RBM34: variants seen among roughly 807,000 people sequenced by gnomAD.
RBM34 encodes RNA-binding protein 34.
A neutral mutation model predicts 44.6 loss-of-function variants in RBM34; 39 were observed. That is an observed-to-expected ratio of 0.87 (90% CI 0.68 to 1.14). The LOEUF (loss-of-function observed/expected upper bound fraction) is 1.14. Among genes scored for constraint, RBM34 ranks in the 50% most tolerant of loss-of-function variants. The pLI is 0.00. For missense variants in RBM34, 572 were observed against 517.9 expected, an observed-to-expected ratio of 1.10 and a Z score of -1.01; for synonymous variants, 194 against 184.0, an observed-to-expected ratio of 1.05 and a Z score of -0.44.
chr1:235,152,814 A>G (rs147452070), intron 4 of RBM34, 49 bp from the exon 5 acceptor site: 612 of 1,445,238 alleles, frequency 4.2e-4, no homozygotes, highest in Non-Finnish European at 5.2e-4. Context: ...AGAACATCAA[A>G]TAAGTGCTAC....
chr1:235,160,328 T>C (rs1486705048), intron 3 of RBM34, 183 bp downstream of exon 3: 1 of 768,750 alleles, frequency 1.3e-6, no homozygotes, highest in Admixed American at 2.0e-5. Flanking sequence ...ATATTAGTAA[T>C]TGCTGATGCT....
chr1:235,157,858 C>G (rs1662516058), intron 3 of RBM34, among the ~76,000 whole-genome samples: 1 of 152,172 alleles, frequency 6.6e-6, no homozygotes, highest in African/African-American at 2.4e-5. Flanking sequence ...AGGGTGGCCT[C>G]AGTGGGCACT....
At chr1:235,150,367 G>A (rs1427586459) in intron 5 of RBM34, among the ~76,000 whole-genome samples, 2 of 152,156 alleles carry the variant, frequency 1.3e-5, no homozygotes, top group African/African-American at 2.4e-5. Flanking sequence ...ACTGCACCCG[G>A]CCTACATCCT....
chr1:235,140,894 G>C (rs1256857150), intron 6 of RBM34, among the ~76,000 whole-genome samples: 1 of 152,160 alleles, frequency 6.6e-6, no homozygotes, highest in Non-Finnish European at 1.5e-5. Context: ...GTGGGACCTT[G>C]GAGAACTTTT....
intron 6 of RBM34, among the ~76,000 whole-genome samples, chr1:235,144,815 G>A (rs1304159246): frequency 2.0e-5 from 3 of 152,112 alleles, no homozygotes; most frequent in African/African-American, 7.2e-5. Context: ...GGCCGAGGGT[G>A]GGGCAGATCA....
Position 235,154,997 on chromosome 1 carries a change from T to C in RBM34, c.481A>G (p.Thr161Ala), listed in dbSNP as rs1662334409. 6.2e-7 allele frequency: 1 copy of C among 1,614,100 alleles called. No individual in the cohort carries two copies. Among genetic ancestry groups the C allele is most frequent in the East Asian group, 2.2e-5 (1 of 44,870 alleles). Residue 161 changes from threonine (T) to alanine (A), a missense_variant, in exon 4 of 11, where the codon ACA (threonine) becomes GCA (alanine). Coordinates refer to ENST00000408888, the MANE Select transcript of RBM34 (RefSeq NM_015014.4). ...KVADRKILDDTEDTVVSQRKK... is the reference protein window; with the variant it reads ...KVADRKILDDAEDTVVSQRKK... ...CTTTGACTGACAACTGTGTCTTCTGTGTCATCAAGTATTTTTCTATCTGCT... is the reference window on the plus strand; with the variant it reads ...CTTTGACTGACAACTGTGTCTTCTGCGTCATCAAGTATTTTTCTATCTGCT...
rs552159195 is a variant in RBM34 at position 235,141,585 on chromosome 1, T to C, written c.702-3411A>G. Among the ~76,000 whole-genome samples the C allele has an allele frequency of 9.9e-5, 15 of 152,284 alleles. 1 individual carries two copies. In the South Asian group the frequency reaches 2.5e-3, roughly 25 times the overall value. On this transcript the variant is annotated intron_variant, in intron 6 of 10. Transcript: ENST00000408888. ...CAGTGGCAAGCCACTCGGGTCCCCT[T>C]CCACACTGTGGAAGCTTTGTCCTTT...
intron 5 of RBM34, among the ~76,000 whole-genome samples, chr1:235,149,837 T>G (rs1662082221): frequency 6.6e-6 from 1 of 152,190 alleles, no homozygotes; most frequent in African/African-American, 2.4e-5. Flanking sequence ...GAAAACCTAT[T>G]TTCTTTCTCA....
intron 6 of RBM34, among the ~76,000 whole-genome samples, chr1:235,146,827 G>A (rs751779166): frequency 1.3e-5 from 2 of 152,078 alleles, no homozygotes; most frequent in Non-Finnish European, 2.9e-5. Flanking sequence ...TGCCATGTTG[G>A]CCAGGCTGGT....
intron 4 of RBM34, among the ~76,000 whole-genome samples, chr1:235,154,270 A>G (rs1359775549): frequency 6.6e-6 from 1 of 150,448 alleles, no homozygotes; most frequent in Admixed American, 6.6e-5. Flanking sequence ...AGAGAGAGAG[A>G]CAGAATGATG....
chr1:235,132,596 C>T (rs1045210808), intron 10 of RBM34, among the ~76,000 whole-genome samples: 1 of 152,096 alleles, frequency 6.6e-6, no homozygotes, highest in Non-Finnish European at 1.5e-5. Flanking sequence ...CATGAGCCAC[C>T]GCGCCTGGCC....
At chr1:235,135,853 A>C in intron 9 of RBM34, 83 bp from the exon 10 acceptor site, 1 of 1,322,624 alleles carries the variant, frequency 7.6e-7, no homozygotes, top group Non-Finnish European at 1.1e-6. Flanking sequence ...ACAGCTAGTT[A>C]AGCATGGTCC....
At position 235,160,012 on chromosome 1, in the gene RBM34, C is replaced by T. The variant is rs1244163755; in HGVS notation, c.365+499G>A. On this transcript the variant is annotated intron_variant, in intron 3 of 10. Coordinates refer to ENST00000408888, the MANE Select transcript of RBM34 (RefSeq NM_015014.4). ...CTCACACCTGTAATCTCAACACTTT[C>T]GGAGGCCGAGGTGGGCAGATCGCTT... The T allele has an allele frequency of 3.0e-5, 6 of 200,464 alleles. No individual in the cohort carries two copies. The East Asian group carries it at 4.7e-4, about 16-fold the overall frequency. The allele number at this position is 200,464 out of a possible 1,614,324, so 12.4% of individuals were successfully genotyped here.
At chr1:235,135,944 CTT>C in intron 9 of RBM34, 88 bp downstream of exon 9, 1 of 1,309,804 alleles carries the variant, frequency 7.6e-7, no homozygotes, top group Non-Finnish European at 1.1e-6. Context: ...TAAAATTAGT[CTT>C]AAATCAAAAC....
chr1:235,143,995 A>G (rs966087608), intron 6 of RBM34, among the ~76,000 whole-genome samples: 1 of 152,144 alleles, frequency 6.6e-6, no homozygotes, highest in Admixed American at 6.6e-5. Flanking sequence ...TCTGGGCATT[A>G]GTGACACCTT....
At chr1:235,134,972 G>A (rs1661354979) in intron 10 of RBM34, among the ~76,000 whole-genome samples, 1 of 151,756 alleles carries the variant, frequency 6.6e-6, no homozygotes, top group Admixed American at 6.6e-5. Context: ...TCGAATTCCC[G>A]ACTTCAGGTG....
intron 5 of RBM34, 92 bp from the exon 6 acceptor site, chr1:235,148,539 T>G (rs898954998): frequency 7.0e-6 from 6 of 851,466 alleles, no homozygotes; most frequent in African/African-American, 1.8e-5. Flanking sequence ...CTAACTCCAG[T>G]ACACTGTGAT....
At chr1:235,160,820 C>A (rs1429207836) in intron 2 of RBM34, 73 bp downstream of exon 2, 20 of 1,564,096 alleles carry the variant, frequency 1.3e-5, no homozygotes, top group African/African-American at 5.5e-5. Context: ...ACGCTTCACG[C>A]GGTAGGTAAG....
At chr1:235,155,403 G>A (rs550390469) in intron 3 of RBM34, among the ~76,000 whole-genome samples, 10 of 150,922 alleles carry the variant, frequency 6.6e-5, no homozygotes, top group South Asian at 2.1e-4. Context: ...GTGTAGCAGC[G>A]TAATCACAGC....
Sources: allele counts gnomAD v4.1 joint callset (sites outside exome capture counted in the v4.1 genomes callset), GRCh38; gene constraint gnomAD v4.1.1; transcripts MANE v1.5; gene names NCBI Gene and HGNC (gene_info 2026-07-23, HGNC 2026-07-21).